The following ADAMTSL1 variants were observed in gnomAD, a reference collection of about 807,000 sequenced individuals.
ADAMTSL1 encodes ADAMTS-like protein 1.
In ADAMTSL1, 126 loss-of-function variants were observed where a neutral mutation model predicts 201.8. That is an observed-to-expected ratio of 0.62 (90% CI 0.54 to 0.72). The LOEUF (loss-of-function observed/expected upper bound fraction) is 0.72, where lower values mean the gene tolerates loss of function less well. ADAMTSL1 is among the 30% of genes least tolerant of loss of function. The pLI is 0.00. For missense variants in ADAMTSL1, 2,679 were observed against 2,277.8 expected (o/e 1.18, Z -3.59); for synonymous variants, 1,121 against 903.4 (o/e 1.24, Z -4.32).
chr9:18,898,884 C>T (rs774858382), intron 26 of ADAMTSL1, among the ~76,000 whole-genome samples: 32 of 152,156 alleles, frequency 2.1e-4, no homozygotes, highest in Non-Finnish European at 4.6e-4. Flanking sequence ...CCCTTGAAAA[C>T]CAGCACAAGA....
chr9:18,473,091 A>G (rs1400541573), upstream of ADAMTSL1, among the ~76,000 whole-genome samples: 3 of 152,146 alleles, frequency 2.0e-5, no homozygotes, highest in Admixed American at 1.3e-4. Flanking sequence ...CTGGCCTCCA[A>G]GGTCATCCCA....
In ADAMTSL1 at chr9:18,335,626, A is replaced by G. The variant is rs571706039; in HGVS notation, c.208-169203A>G. On this transcript the variant is annotated intron_variant, in intron 2 of 29. Coordinates refer to the ADAMTSL1 transcript ENST00000680146. Reference sequence around the variant, plus strand: ...GACAATATTACTGTTCACTATTCCCATTAAATAACCTCATAGCTTTCCCAC... The same window carrying G: ...GACAATATTACTGTTCACTATTCCCGTTAAATAACCTCATAGCTTTCCCAC... 3.9e-5 allele frequency among the ~76,000 whole-genome samples: 6 copies of G among 152,294 alleles called. No individual in the cohort carries two copies. In the East Asian group the frequency reaches 1.2e-3, roughly 29 times the overall value.
chr9:18,091,841 C>CTTAGAGTATAATAAAAAAAAATAAATAA (rs1320305838), intron 1 of ADAMTSL1, among the ~76,000 whole-genome samples: 1 of 151,904 alleles, frequency 6.6e-6, no homozygotes, highest in Admixed American at 6.6e-5. Flanking sequence ...AATAAGAAAA[C>CTTAGAGTATAATAAAAAAAAATAAATAA]AGAGCAGCAC....
chr9:18,606,049 A>G (rs1824991042), intron 4 of ADAMTSL1, among the ~76,000 whole-genome samples: 1 of 152,152 alleles, frequency 6.6e-6, no homozygotes, highest in Non-Finnish European at 1.5e-5. Flanking sequence ...GGCTTTTGGC[A>G]GGGCTTGGCG....
intron 1 of ADAMTSL1, among the ~76,000 whole-genome samples, chr9:17,954,352 A>G (rs753512918): frequency 6.6e-6 from 1 of 152,204 alleles, no homozygotes; most frequent in Non-Finnish European, 1.5e-5. Context: ...AGGTTCAAAG[A>G]ATTAGAAGCC....
intron 1 of ADAMTSL1, among the ~76,000 whole-genome samples, chr9:17,942,499 C>T (rs1214741079): frequency 2.6e-5 from 4 of 152,106 alleles, no homozygotes; most frequent in East Asian, 3.9e-4. Context: ...ATTGAGAGTC[C>T]GTTGTGTCTC....
intron 26 of ADAMTSL1, among the ~76,000 whole-genome samples, chr9:18,898,812 G>A (rs1314008142): frequency 2.0e-5 from 3 of 151,948 alleles, no homozygotes; most frequent in African/African-American, 7.3e-5. Context: ...AAAATAATAA[G>A]AGCCATATTT....
At chr9:18,770,820 G>A in intron 17 of ADAMTSL1, 39 bp downstream of exon 17, 4 of 1,595,794 alleles carry the variant, frequency 2.5e-6, no homozygotes, top group Non-Finnish European at 2.6e-6. Flanking sequence ...AGAGATCCAA[G>A]TAGGAAAAGA....
At chr9:18,281,862 A>G (rs1832803767) in intron 2 of ADAMTSL1, among the ~76,000 whole-genome samples, 1 of 152,174 alleles carries the variant, frequency 6.6e-6, no homozygotes. Context: ...GAGCCACTGC[A>G]CCTGGCCCCA....
rs528878772 is a variant in ADAMTSL1 at position 18,853,786 on chromosome 9, T to A, written c.4249+23809T>A. Among the ~76,000 whole-genome samples, 14 of 152,214 alleles carry A rather than the reference T, an allele frequency of 9.2e-5. No individual in the cohort carries two copies. In the South Asian group the frequency reaches 2.9e-3, roughly 32 times the overall value. Reference sequence around the variant, plus strand: ...CTTAATTTTCTCACTGTTATAATTTTTGCAAAAGCGATTTCACATGAAGGG... The same window carrying A: ...CTTAATTTTCTCACTGTTATAATTTATGCAAAAGCGATTTCACATGAAGGG... On this transcript the variant is annotated intron_variant, in intron 23 of 28. Coordinates refer to ENST00000380548, the MANE Select transcript of ADAMTSL1 (RefSeq NM_001040272.6).
At chr9:18,074,025 G>C (rs1823083570) in intron 1 of ADAMTSL1, among the ~76,000 whole-genome samples, 1 of 152,026 alleles carries the variant, frequency 6.6e-6, no homozygotes, top group Non-Finnish European at 1.5e-5. Context: ...GAGGAAGTAG[G>C]CTTGTTTATT....
intron 15 of ADAMTSL1, chr9:18,723,701 A>G (rs1817689251): frequency 6.5e-6 from 1 of 152,896 alleles, no homozygotes; most frequent in African/African-American, 2.4e-5. Context: ...ATACACATTT[A>G]AACATTTGTA....
chr9:18,260,181 T>A (rs751945924), intron 2 of ADAMTSL1, among the ~76,000 whole-genome samples: 1 of 152,170 alleles, frequency 6.6e-6, no homozygotes, highest in Non-Finnish European at 1.5e-5. Context: ...GATACCACCA[T>A]GGATGGTAAA....
chr9:18,669,794 A>T (rs1308756601), intron 9 of ADAMTSL1, among the ~76,000 whole-genome samples: 1 of 151,962 alleles, frequency 6.6e-6, no homozygotes, highest in Non-Finnish European at 1.5e-5. Flanking sequence ...CCAGGCACCT[A>T]CTCTTACTTC....
At chr9:18,603,685 C>G (rs749891750) in intron 4 of ADAMTSL1, among the ~76,000 whole-genome samples, 3 of 152,088 alleles carry the variant, frequency 2.0e-5, no homozygotes, top group Non-Finnish European at 4.4e-5. Context: ...GCTTTTCTGC[C>G]TCCTATTCTT....
intron 2 of ADAMTSL1, among the ~76,000 whole-genome samples, chr9:18,239,787 G>A (rs928241940): frequency 9.9e-5 from 15 of 151,658 alleles, no homozygotes; most frequent in African/African-American, 3.4e-4. Context: ...AGGAAGGAAG[G>A]AAGGAGGGAA....
Position 18,553,407 on chromosome 9 carries a change from G to A in ADAMTSL1, c.237+20115G>A, listed in dbSNP as rs1820913938. Among the ~76,000 whole-genome samples the A allele has an allele frequency of 2.0e-5, 3 of 151,452 alleles. No homozygotes were observed. The South Asian group carries it at 6.2e-4, about 31-fold the overall frequency. On this transcript the variant is annotated intron_variant, in intron 3 of 28. Transcript: ENST00000380548. ...CTCTGATTAACCCCCTCAGATTTAT[G>A]TGCTATTTTTGTCAAGTGTTTTAGC...
intron 6 of ADAMTSL1, 104 bp from the exon 7 acceptor site, chr9:18,639,150 A>T: frequency 9.2e-7 from 1 of 1,084,578 alleles, no homozygotes; most frequent in Non-Finnish European, 1.4e-6. Flanking sequence ...ATAAAGAATG[A>T]TGTGTCTCCC....
chr9:18,654,971 T>C (rs550506897), intron 7 of ADAMTSL1, among the ~76,000 whole-genome samples: 1 of 152,330 alleles, frequency 6.6e-6, no homozygotes, highest in African/African-American at 2.4e-5. Context: ...CTCCCTGTCC[T>C]CATGAGAGCA....
Sources: gnomAD v4.1 joint callset for allele counts (sites outside exome capture counted in the v4.1 genomes callset) on GRCh38, gnomAD v4.1.1 for gene constraint, MANE v1.5 for transcripts, NCBI Gene and HGNC (gene_info 2026-07-23, HGNC 2026-07-21) for gene names.